Variants in RP1 observed in about 807,000 individuals in gnomAD.
The protein encoded by RP1 is oxygen-regulated protein 1.
Under a neutral mutation model 14.8 loss-of-function variants are expected in RP1, and 16 were observed. The observed-to-expected ratio is 1.08, with a 90% CI of 0.73 to 1.65. RP1 has a LOEUF of 1.65. Among genes scored for constraint, RP1 ranks in the 40% most tolerant of loss-of-function variants. The pLI is 0.00. For synonymous variants in RP1, 876 were observed against 883.6 expected (o/e 0.99, Z 0.15); for missense variants, 2,631 against 2,535.0 (o/e 1.04, Z -0.81).
At chr8:54,637,568 A>C (rs1430313995) in intron 3 of RP1, among the ~76,000 whole-genome samples, 1 of 152,160 alleles carries the variant, frequency 6.6e-6, no homozygotes, top group African/African-American at 2.4e-5. Context: ...CTTTCTTGAA[A>C]ATATTTAGCT....
chr8:54,803,982 C>T (rs1483865185), intron 24 of RP1, among the ~76,000 whole-genome samples: 3 of 152,080 alleles, frequency 2.0e-5, no homozygotes, highest in South Asian at 2.1e-4. Context: ...GCAGGAGGAT[C>T]GCTTGAACCC....
At chr8:54,806,267 T>G (rs374962125) in intron 24 of RP1, among the ~76,000 whole-genome samples, 71 of 152,302 alleles carry the variant, frequency 4.7e-4, no homozygotes, top group African/African-American at 1.7e-3. Context: ...TCCACCCGTC[T>G]TGGCCTCCCA....
chr8:54,591,207 C>T (rs1022799249), intron 1 of RP1, among the ~76,000 whole-genome samples: 1 of 152,140 alleles, frequency 6.6e-6, no homozygotes, highest in Non-Finnish European at 1.5e-5. Context: ...CATCAAAATA[C>T]CTTAAAAAAG....
At chr8:54,622,757 A>T (rs1208799652) in intron 3 of RP1, among the ~76,000 whole-genome samples, 1 of 152,204 alleles carries the variant, frequency 6.6e-6, no homozygotes, top group Non-Finnish European at 1.5e-5. Context: ...AGGTTCTTAG[A>T]TCCACATTTT....
At chr8:54,693,876 A>G (rs932616768) in intron 12 of RP1, among the ~76,000 whole-genome samples, 1 of 152,146 alleles carries the variant, frequency 6.6e-6, no homozygotes, top group African/African-American at 2.4e-5. Context: ...GTGGTGAGAC[A>G]GGGCATCCCT....
At chr8:54,673,043 T>C (rs1807212757) in intron 7 of RP1, among the ~76,000 whole-genome samples, 1 of 152,216 alleles carries the variant, frequency 6.6e-6, no homozygotes, top group East Asian at 1.9e-4. Flanking sequence ...CTAATGGTTT[T>C]GTTTCTCCTT....
rs1446484005 is a variant in RP1, at chr8:54,853,225, A to T, written c.3990+497A>T. ...GCTGTTCAGAGATTTAGGAGGCCTC[A>T]TGGGGCTGGGATTTCTCACTTGAAA... On this transcript the variant is annotated intron_variant, in intron 26 of 28. Coordinates refer to the RP1 transcript ENST00000637698. Among the ~76,000 whole-genome samples, 3 of 152,138 alleles carry T rather than the reference A, an allele frequency of 2.0e-5. No individual in the cohort carries two copies. In the East Asian group the frequency reaches 5.8e-4, roughly 29 times the overall value.
chr8:54,804,693 G>C (rs1184386654), intron 24 of RP1, among the ~76,000 whole-genome samples: 3 of 152,144 alleles, frequency 2.0e-5, no homozygotes, highest in African/African-American at 7.2e-5. Context: ...AGCTACATTT[G>C]ATGTAACACC....
At chr8:54,638,437 CAA>C (rs35957110) in intron 3 of RP1, among the ~76,000 whole-genome samples, 4,187 of 122,684 alleles carry the variant, frequency 0.034, 104 homozygotes, top group African/African-American at 0.08. Context: ...GACTCCATCT[CAA>C]AAAAAAAAAA....
intron 1 of RP1, among the ~76,000 whole-genome samples, chr8:54,604,975 T>G (rs923065168): frequency 3.3e-5 from 5 of 152,136 alleles, no homozygotes; most frequent in African/African-American, 9.7e-5. Context: ...TTTGTTGATC[T>G]TTTCAAAAAA....
intron 1 of RP1, among the ~76,000 whole-genome samples, chr8:54,562,941 T>C (rs1804319312): frequency 6.6e-6 from 1 of 152,194 alleles, no homozygotes; most frequent in Non-Finnish European, 1.5e-5. Flanking sequence ...GATAATGCAG[T>C]TGCTGGTCAA....
chr8:54,624,889 A>G lies in RP1; in HGVS notation c.1007A>G (p.Lys336Arg). 3.1e-6 allele frequency: 5 copies of G among 1,613,952 alleles called. No individual in the cohort carries two copies. The highest frequency in any genetic ancestry group is 4.2e-6 in the Non-Finnish European group (5 of 1,180,000). Reference protein sequence around the residue: ...NQDGTMTVEMKVRFRIKEEET... With the variant: ...NQDGTMTVEMRVRFRIKEEET... ...GACGGCACTATGACAGTTGAGATGA[A>G]AGTTCGATTCAGAATAAAAGAGGAA... Residue 336 changes from lysine (K) to arginine (R), a missense_variant, in exon 4 of 4, where the codon AAA becomes AGA. Transcript: ENST00000220676.
chr8:54,560,660 C>T (rs1270641715), intron 1 of RP1: 1 of 151,972 alleles, frequency 6.6e-6, no homozygotes, highest in Non-Finnish European at 1.5e-5. Context: ...ATCCCGTGCA[C>T]CTTCTCTCAC....
intron 24 of RP1, among the ~76,000 whole-genome samples, chr8:54,805,717 GTT>G (rs34454448): frequency 6.9e-6 from 1 of 144,546 alleles, no homozygotes; most frequent in Non-Finnish European, 1.5e-5. Context: ...CATTTCTCTA[GTT>G]TTTTTTTTTT....
At chr8:54,679,878 C>T (rs1807385936) in exon 12 of RP1, 1 of 1,535,976 alleles carries the variant, frequency 6.5e-7, no homozygotes, top group Non-Finnish European at 8.7e-7. Context: ...GAGGGTTTGT[C>T]CGTTTGCATC....
chr8:54,725,027 CTCATCAGT>C (rs1808621991), intron 16 of RP1, among the ~76,000 whole-genome samples: 1 of 152,168 alleles, frequency 6.6e-6, no homozygotes, highest in Admixed American at 6.6e-5. Flanking sequence ...AGTTAAAGCG[CTCATCAGT>C]ATCTATCAGA....
At position 54,726,972 on chromosome 8, in the gene RP1, A is replaced by C. The variant is rs1456830060; in HGVS notation, c.2521+496A>C. 2.6e-5 allele frequency among the ~76,000 whole-genome samples: 4 copies of C among 152,060 alleles called. No homozygotes were observed. The East Asian group carries it at 7.7e-4, about 29-fold the overall frequency. ...TGTATTAACTTTTATCTGACGGGAA[A>C]GTATAATATATGATATCTGACAAAT... On this transcript the variant is annotated intron_variant, in intron 17 of 22. Coordinates refer to the RP1 transcript ENST00000636932.
chr8:54,743,558 G>T (rs1809149320), intron 19 of RP1, among the ~76,000 whole-genome samples: 1 of 151,642 alleles, frequency 6.6e-6, no homozygotes, highest in South Asian at 2.1e-4. Flanking sequence ...TTATTTGATG[G>T]GTTAATCTTT....
At chr8:54,804,287 G>A (rs967048042) in intron 24 of RP1, among the ~76,000 whole-genome samples, 9 of 151,960 alleles carry the variant, frequency 5.9e-5, no homozygotes, top group Admixed American at 4.6e-4. Context: ...AAAAGTAAAA[G>A]GAAAATGAAA....
Sources: gnomAD v4.1 joint callset for allele counts (sites outside exome capture counted in the v4.1 genomes callset) on GRCh38, gnomAD v4.1.1 for gene constraint, MANE v1.5 for transcripts, NCBI Gene and HGNC (gene_info 2026-07-23, HGNC 2026-07-21) for gene names.